Variants in CYP4Z1 observed in about 807,000 individuals in gnomAD.
CYP4Z1 encodes the protein cytochrome P450 4Z1.
In CYP4Z1, 41 loss-of-function variants were observed where a neutral mutation model predicts 54.2. The observed-to-expected ratio is 0.76, with a 90% CI of 0.59 to 0.98. CYP4Z1 has a LOEUF of 0.98. Ranked by LOEUF, CYP4Z1 falls within the 50% of genes least tolerant of loss-of-function variation. The probability of loss-of-function intolerance (pLI) is 0.00; values close to 1 mark genes in which losing one functional copy is unlikely to be tolerated. For synonymous variants in CYP4Z1, 163 were observed against 206.2 expected, an observed-to-expected ratio of 0.79 and a Z score of 1.79; for missense variants, 513 against 599.0, an observed-to-expected ratio of 0.86 and a Z score of 1.50.
chr1:47,103,860 T>C (rs1178851309), intron 8 of CYP4Z1, among the ~76,000 whole-genome samples: 2 of 151,796 alleles, frequency 1.3e-5, no homozygotes, highest in African/African-American at 4.8e-5. Flanking sequence ...CCTCCCAAAG[T>C]GCTGGGATTA....
At chr1:47,117,421 C>T (rs866761334) in intron 11 of CYP4Z1, among the ~76,000 whole-genome samples, 3 of 152,084 alleles carry the variant, frequency 2.0e-5, no homozygotes, top group Non-Finnish European at 2.9e-5. Flanking sequence ...TAAAATAAAA[C>T]ATTTGCTGGA....
intron 2 of CYP4Z1, among the ~76,000 whole-genome samples, chr1:47,074,532 T>C (rs1285937090): frequency 6.6e-6 from 1 of 152,174 alleles, no homozygotes; most frequent in Non-Finnish European, 1.5e-5. Flanking sequence ...TTTTTGTATA[T>C]AGAGTGAGAT....
At chr1:47,087,493 T>A (rs1644605061) in intron 6 of CYP4Z1, among the ~76,000 whole-genome samples, 3 of 152,214 alleles carry the variant, frequency 2.0e-5, no homozygotes, top group African/African-American at 4.8e-5. Context: ...TTGCTCTCTG[T>A]TTGTCTGTTA....
chr1:47,112,558 A>T (rs1644801215), intron 9 of CYP4Z1, among the ~76,000 whole-genome samples: 1 of 152,282 alleles, frequency 6.6e-6, no homozygotes, highest in African/African-American at 2.4e-5. Context: ...TTAGATAAAA[A>T]TCACTTATGT....
At chr1:47,104,314 G>A (rs1644741972) in intron 8 of CYP4Z1, among the ~76,000 whole-genome samples, 1 of 152,184 alleles carries the variant, frequency 6.6e-6, no homozygotes, top group Non-Finnish European at 1.5e-5. Context: ...GGGATACATG[G>A]GCCAGTCTTC....
chr1:47,068,566 G>C (rs1644467605), intron 1 of CYP4Z1, 56 bp from the exon 2 acceptor site: 1 of 1,596,080 alleles, frequency 6.3e-7, no homozygotes, highest in Non-Finnish European at 8.5e-7. Flanking sequence ...CCGAGGGAAA[G>C]GGGTCCTCCT....
At chr1:47,105,958 G>T (rs1644753968) in intron 8 of CYP4Z1, among the ~76,000 whole-genome samples, 170 bp from the exon 9 acceptor site, 1 of 152,122 alleles carries the variant, frequency 6.6e-6, no homozygotes, top group Non-Finnish European at 1.5e-5. Context: ...GTGAAAAGTG[G>T]TAAGTGTTAA....
chr1:47,056,859 T>C, the CYP4Z1 span, among the ~76,000 whole-genome samples: 1 of 152,142 alleles, frequency 6.6e-6, no homozygotes, highest in Non-Finnish European at 1.5e-5. Context: ...CACTGATGTC[T>C]TGACTCTTTA....
At chr1:47,091,106 T>C (rs1644635543) in intron 6 of CYP4Z1, among the ~76,000 whole-genome samples, 1 of 131,284 alleles carries the variant, frequency 7.6e-6, no homozygotes, top group Non-Finnish European at 1.6e-5. Flanking sequence ...GGACTTTCCA[T>C]TGGCTGGAGG....
chr1:47,096,654 A>C (rs891608402), intron 7 of CYP4Z1: 19 of 137,408 alleles, frequency 1.4e-4, no homozygotes, highest in African/African-American at 5.0e-4. Context: ...TTTTTAATGG[A>C]GCCTCACTCT....
chr1:47,060,900 T>C, the CYP4Z1 span, among the ~76,000 whole-genome samples: 1 of 152,118 alleles, frequency 6.6e-6, no homozygotes, highest in Non-Finnish European at 1.5e-5. Flanking sequence ...ATTAAAGCAA[T>C]CATTCAAAAC....
chr1:47,063,578 C>T (rs1311413895), upstream of CYP4Z1, among the ~76,000 whole-genome samples: 1 of 151,804 alleles, frequency 6.6e-6, no homozygotes, highest in East Asian at 1.9e-4. Context: ...TGAACACACA[C>T]TTACAGAAAT....
intron 2 of CYP4Z1, 32 bp downstream of exon 2, chr1:47,068,795 C>A (rs201585885): frequency 1.1e-4 from 181 of 1,607,288 alleles, no homozygotes; most frequent in Non-Finnish European, 1.5e-4. Flanking sequence ...CAGTACAGAG[C>A]AGCAACAAAG....
chr1:47,114,924 G>T (rs1644818843), intron 9 of CYP4Z1, among the ~76,000 whole-genome samples: 1 of 152,180 alleles, frequency 6.6e-6, no homozygotes, highest in African/African-American at 2.4e-5. Context: ...AATACCATTT[G>T]ACCCAGCCAT....
At position 47,068,698 on chromosome 1, in the gene CYP4Z1, G is replaced by A. The variant is rs1557620035; in HGVS notation, c.254G>A (p.Gly85Glu). The change falls in exon 2 of 12, where the codon GGA becomes GAA. Residue 85 changes from glycine to glutamate, a missense_variant. Physicochemically the swap from Gly to Glu is moderately conservative, Grantham distance 98. Transcript: ENST00000334194. ...CCATGTGCTGTTCCCTTGTGGGTTG[G>A]ACCCTTTACGATGTTCTTCAGTGTC... ...KYPCAVPLWVGPFTMFFSVHD... is the reference protein window; with the variant it reads ...KYPCAVPLWVEPFTMFFSVHD... 1.2e-6 allele frequency: 2 copies of A among 1,614,122 alleles called. No homozygotes were observed. Among genetic ancestry groups the A allele is most frequent in the Non-Finnish European group, 1.7e-6 (2 of 1,180,006 alleles).
chr1:47,056,357 G>T, the CYP4Z1 span, among the ~76,000 whole-genome samples: 12 of 152,110 alleles, frequency 7.9e-5, no homozygotes, highest in Admixed American at 2.0e-4. Context: ...GTCAATTTTG[G>T]AACAGGTGTG....
chr1:47,088,606 T>A (rs1301919101), intron 6 of CYP4Z1, among the ~76,000 whole-genome samples: 1 of 147,086 alleles, frequency 6.8e-6, no homozygotes, highest in Non-Finnish European at 1.5e-5. Context: ...TCTCCAATTT[T>A]TTTTTGTTTT....
chr1:47,082,467 A>C lies in CYP4Z1; in HGVS notation c.492+6A>C. ...AGAGTGTTCGGATGATGCTGGTAAGAGGAGAAGAGAGCATTCGTACCTGGC... is the reference window on the plus strand; with the variant it reads ...AGAGTGTTCGGATGATGCTGGTAAGCGGAGAAGAGAGCATTCGTACCTGGC... On this transcript the variant is annotated splice_donor_region_variant and intron_variant, in intron 4 of 11. Coordinates refer to ENST00000334194, the MANE Select transcript of CYP4Z1 (RefSeq NM_178134.3). 1 of 1,606,332 alleles carries C rather than the reference A, an allele frequency of 6.2e-7. No homozygotes were observed. Among genetic ancestry groups the C allele is most frequent in the Non-Finnish European group, 8.5e-7 (1 of 1,176,510 alleles).
chr1:47,098,068 C>T (rs1331453088), intron 7 of CYP4Z1, among the ~76,000 whole-genome samples: 1 of 152,110 alleles, frequency 6.6e-6, no homozygotes, highest in African/African-American at 2.4e-5. Flanking sequence ...CCTCCCAACT[C>T]GGCCTTCCAA....
Sources: gnomAD v4.1 joint callset for allele counts (sites outside exome capture counted in the v4.1 genomes callset) on GRCh38, gnomAD v4.1.1 for gene constraint, MANE v1.5 for transcripts, NCBI Gene and HGNC (gene_info 2026-07-23, HGNC 2026-07-21) for gene names.